Variants in FAP observed in about 807,000 individuals in gnomAD.
FAP encodes the protein fibroblast activation protein alpha, also known as prolyl endopeptidase FAP.
In FAP, 110 loss-of-function variants were observed where a neutral mutation model predicts 126.5. The observed-to-expected ratio is 0.87, with a 90% CI of 0.74 to 1.02. The LOEUF is 1.02. Among genes scored for constraint, FAP ranks in the 50% least tolerant of loss-of-function variants. The pLI is 0.00. For synonymous variants in FAP, 334 were observed against 297.3 expected (o/e 1.12, Z -1.27); for missense variants, 919 against 909.2 (o/e 1.01, Z -0.14).
In FAP at chr2:162,189,712, A is replaced by G. The variant is rs754775708; in HGVS notation, c.1493T>C (p.Leu498Ser). The G allele has an allele frequency of 1.9e-6, 3 of 1,593,628 alleles. No individual in the cohort carries two copies. The African/African-American group carries it at 4.0e-5, about 22-fold the overall frequency. ...CTCTTTAGGCAGCTGGATATTTTTC[A>G]AAGCATTTTCCAATTCCTTGTTTTC... ...LEENKELENA[L>S]KNIQLPKEEI... The change falls in exon 18 of 26, where the codon TTG (leucine) becomes TCG (serine). Residue 498 changes from leucine (L) to serine (S), a missense_variant. Transcript: ENST00000188790.
At chr2:162,219,632 G>A (rs1689300456) in intron 7 of FAP, among the ~76,000 whole-genome samples, 3 of 152,130 alleles carry the variant, frequency 2.0e-5, no homozygotes, top group African/African-American at 7.2e-5. Context: ...TAAGGATAAA[G>A]TTTTTGACTG....
intron 6 of FAP, among the ~76,000 whole-genome samples, chr2:162,221,042 G>A (rs1363789126): frequency 6.6e-6 from 1 of 152,140 alleles, no homozygotes; most frequent in African/African-American, 2.4e-5. Context: ...AACACACACT[G>A]CCTTGATGTA....
At position 162,214,039 on chromosome 2, in the gene FAP, C is replaced by T. The variant is rs1174167963; in HGVS notation, c.901G>A (p.Asp301Asn). ...AGCCACTGCAAACATACTCGTTCAT[C>T]AGTAACCCACGTGAGCCAACTGAAA... ...YYFSWLTWVT[D>N]ERVCLQWLKR... Residue 301 changes from aspartate to asparagine, a missense_variant, in exon 11 of 26, where the codon GAT (aspartate) becomes AAT (asparagine). Coordinates refer to ENST00000188790, the MANE Select transcript of FAP (RefSeq NM_004460.5). 3 of 1,613,962 alleles carry T rather than the reference C, an allele frequency of 1.9e-6. No homozygotes were observed. Among genetic ancestry groups the T allele is most frequent in the Non-Finnish European group, 1.7e-6 (2 of 1,179,998 alleles).
At chr2:162,221,965 C>A (rs190322847) in intron 6 of FAP, among the ~76,000 whole-genome samples, 1 of 151,932 alleles carries the variant, frequency 6.6e-6, no homozygotes, top group Admixed American at 6.6e-5. Flanking sequence ...ACCACCCCCC[C>A]ACCAAAAAAT....
intron 12 of FAP, among the ~76,000 whole-genome samples, chr2:162,205,239 G>A (rs1559777365): frequency 6.6e-6 from 1 of 152,140 alleles, no homozygotes; most frequent in Non-Finnish European, 1.5e-5. Context: ...ATGGAATAAT[G>A]AGAAACAGCT....
At chr2:162,234,427 C>T (rs1189582742) in intron 2 of FAP, among the ~76,000 whole-genome samples, 1 of 151,944 alleles carries the variant, frequency 6.6e-6, no homozygotes, top group Non-Finnish European at 1.5e-5. Flanking sequence ...ACATGGATCT[C>T]GTATCCTGCA....
intron 11 of FAP, among the ~76,000 whole-genome samples, chr2:162,213,080 A>T: frequency 6.6e-6 from 1 of 152,302 alleles, no homozygotes; most frequent in Middle Eastern, 3.4e-3. Flanking sequence ...ATTTGATTTT[A>T]AAATAAAAAT....
chr2:162,216,689 G>A (rs1392855580), intron 9 of FAP, among the ~76,000 whole-genome samples: 1 of 152,120 alleles, frequency 6.6e-6, no homozygotes, highest in Non-Finnish European at 1.5e-5. Flanking sequence ...GAGAATCTTG[G>A]AGTTGTAATA....
intron 2 of FAP, among the ~76,000 whole-genome samples, chr2:162,239,391 G>C (rs948042101): frequency 2.0e-5 from 3 of 151,632 alleles, no homozygotes; most frequent in African/African-American, 7.3e-5. Flanking sequence ...CCACCCTTCA[G>C]CTTCTTATAT....
At chr2:162,222,038 T>C (rs1053213881) in intron 6 of FAP, among the ~76,000 whole-genome samples, 3 of 152,110 alleles carry the variant, frequency 2.0e-5, no homozygotes, top group Non-Finnish European at 2.9e-5. Context: ...TTTGATTAAA[T>C]TCACTGCAGA....
intron 16 of FAP, chr2:162,198,298 C>T (rs760073244): frequency 2.8e-4 from 358 of 1,289,482 alleles, no homozygotes; most frequent in Non-Finnish European, 3.4e-4. Flanking sequence ...TGTTCATTCC[C>T]CTGGATGTGA....
intron 21 of FAP, among the ~76,000 whole-genome samples, chr2:162,179,407 T>A (rs1010430216): frequency 3.9e-5 from 6 of 152,164 alleles, no homozygotes; most frequent in African/African-American, 1.4e-4. Flanking sequence ...AGGATTAAAG[T>A]CAGTTTAAAC....
Position 162,173,704 on chromosome 2 carries a change from AT to A in FAP, c.2034+18del. 6.6e-7 allele frequency: 1 copy of A among 1,515,378 alleles called. No homozygotes were observed. Among genetic ancestry groups the A allele is most frequent in the African/African-American group, 1.4e-5 (1 of 72,950 alleles). 93.9% of individuals were successfully genotyped at this position (1,515,378 alleles called of 1,614,324 possible). On this transcript the variant is annotated intron_variant, in intron 23 of 25. Coordinates refer to ENST00000188790, the MANE Select transcript of FAP (RefSeq NM_004460.5). ...TATTAGAAATTAATTATTAACCTAA[AT>A]AAAATGGAAACACTTACCTTATAGT...
chr2:162,189,744 G>A lies in FAP; in HGVS notation c.1461C>T (p.Ile487=), dbSNP rs760366042. 2.6e-6 allele frequency: 4 copies of A among 1,553,718 alleles called. No individual in the cohort carries two copies. The highest frequency in any genetic ancestry group is 3.5e-6 in the Non-Finnish European group (4 of 1,138,276). ...HDGRTDQEIK[I]LEENKELENA... is the part of the protein sequence containing the mutation. ...TTTCCAATTCCTTGTTTTCTTCCAG[G>A]ATTTTAATTTCTGAAAAATGTTAAA... is the stretch of plus-strand genomic sequence containing the variant. Residue 487 remains isoleucine (I), a synonymous_variant, in exon 18 of 26, where the codon ATC becomes ATT. Transcript: ENST00000188790.
intron 25 of FAP, 192 bp from the exon 26 acceptor site, chr2:162,171,272 G>A (rs1687295879): frequency 3.9e-6 from 2 of 518,166 alleles, no homozygotes; most frequent in East Asian, 3.2e-5. Flanking sequence ...CTCCACTACT[G>A]TTTCACATGC....
At chr2:162,189,242 A>C in intron 18 of FAP, 70 bp from the exon 19 acceptor site, 1 of 863,644 alleles carries the variant, frequency 1.2e-6, no homozygotes, top group Non-Finnish European at 1.8e-6. Context: ...TGTCTTTAAT[A>C]ACAATATATG....
At chr2:162,213,610 T>C (rs1221806512) in intron 11 of FAP, among the ~76,000 whole-genome samples, 1 of 152,180 alleles carries the variant, frequency 6.6e-6, no homozygotes, top group Non-Finnish European at 1.5e-5. Flanking sequence ...TATTTTGCTT[T>C]TTATTGGACT....
At chr2:162,234,881 G>A (rs576984610) in intron 2 of FAP, among the ~76,000 whole-genome samples, 4 of 152,204 alleles carry the variant, frequency 2.6e-5, no homozygotes, top group East Asian at 1.9e-4. Flanking sequence ...AGGGGAACCC[G>A]GGCTGCACCC....
rs1369263006 is a variant in FAP at position 162,198,883 on chromosome 2, T to C, written c.1278-2A>G. 1.2e-6 allele frequency: 2 copies of C among 1,613,344 alleles called. No individual in the cohort carries two copies. The highest frequency in any genetic ancestry group is 1.7e-6 in the Non-Finnish European group (2 of 1,179,384). On this transcript the variant is annotated splice_acceptor_variant, in intron 15 of 25. Coordinates refer to ENST00000188790, the MANE Select transcript of FAP (RefSeq NM_004460.5). LOFTEE classifies it high-confidence loss of function. ...GGAGGATAGCTTCCAATGCTAATTC[T>C]AGAGGGAAATGAAAATAAAACTAAG... is the stretch of plus-strand genomic sequence containing the variant.
Sources: gnomAD v4.1 joint callset for allele counts (sites outside exome capture counted in the v4.1 genomes callset) on GRCh38, gnomAD v4.1.1 for gene constraint, MANE v1.5 for transcripts, NCBI Gene and HGNC (gene_info 2026-07-23, HGNC 2026-07-21) for gene names.